The following NINL variants were observed in gnomAD, a reference collection of about 807,000 sequenced individuals.
NINL encodes the protein ninein like, also known as ninein-like protein.
Under a neutral mutation model 160.3 loss-of-function variants are expected in NINL, and 153 were observed. That is an observed-to-expected ratio of 0.95 (90% CI 0.84 to 1.09). NINL has a LOEUF of 1.09. Among genes scored for constraint, NINL ranks in the 50% least tolerant of loss-of-function variants. The pLI is 0.00. For synonymous variants in NINL, 800 were observed against 734.8 expected, an observed-to-expected ratio of 1.09 and a Z score of -1.43; for missense variants, 1,829 against 1,764.0, an observed-to-expected ratio of 1.04 and a Z score of -0.66.
intron 1 of NINL, among the ~76,000 whole-genome samples, chr20:25,533,669 A>G (rs1179174244): frequency 6.6e-6 from 1 of 152,236 alleles, no homozygotes; most frequent in African/African-American, 2.4e-5. Flanking sequence ...TCAAGACCAC[A>G]AAACGGGAAA....
Position 25,479,639 on chromosome 20 carries a change from G to A in NINL, c.1918-433C>T, listed in dbSNP as rs905142955. Among the ~76,000 whole-genome samples, 4 of 152,318 alleles carry A rather than the reference G, an allele frequency of 2.6e-5. No homozygotes were observed. In the East Asian group the frequency reaches 5.8e-4, roughly 22 times the overall value. On this transcript the variant is annotated intron_variant, in intron 15 of 23. Coordinates refer to ENST00000278886, the MANE Select transcript of NINL (RefSeq NM_025176.6). ...AGGGATCCCCAGGGCATGGCCACAG[G>A]CAGCTCCACCTAGCTGGTACCCTGA...
At chr20:25,561,830 C>T (rs1367624841) in intron 1 of NINL, among the ~76,000 whole-genome samples, 14 of 149,074 alleles carry the variant, frequency 9.4e-5, no homozygotes, top group East Asian at 4.2e-4. Flanking sequence ...GGAGCCCCTC[C>T]GCCCGGCTGC....
intron 1 of NINL, among the ~76,000 whole-genome samples, chr20:25,555,591 C>T (rs1278571143): frequency 2.0e-5 from 3 of 152,178 alleles, no homozygotes; most frequent in Admixed American, 6.5e-5. Context: ...TCAGGCCAGA[C>T]GTGGTGGCTT....
At chr20:25,497,139 C>T (rs981473638) in intron 9 of NINL, among the ~76,000 whole-genome samples, 6 of 152,206 alleles carry the variant, frequency 3.9e-5, no homozygotes, top group African/African-American at 1.2e-4. Context: ...GCCCTCTCAT[C>T]GGCAGCTGGG....
Position 25,457,972 on chromosome 20 carries a change from T to C in NINL, c.3843+411A>G, listed in dbSNP as rs60834749. Among the ~76,000 whole-genome samples, 1,047 of 152,338 alleles carry C rather than the reference T, an allele frequency of 6.9e-3. 18 individuals carry two copies. Among genetic ancestry groups the C allele is most frequent in the African/African-American group, 0.024 (1,005 of 41,574 alleles). ...GGGCGGGATCCCACCCTCCACAGTCTGTGCTCCGAGCTACTGTCTCCCATC... is the reference window on the plus strand; with the variant it reads ...GGGCGGGATCCCACCCTCCACAGTCCGTGCTCCGAGCTACTGTCTCCCATC... On this transcript the variant is annotated intron_variant, in intron 22 of 23. Transcript: ENST00000278886.
chr20:25,498,893 A>G, intron 8 of NINL: 2 of 985,004 alleles, frequency 2.0e-6, no homozygotes, highest in African/African-American at 3.5e-5. Context: ...ATAAACTTCA[A>G]AGCACAGAAC....
At chr20:25,519,315 C>T (rs1480744336) in intron 2 of NINL, among the ~76,000 whole-genome samples, 1 of 151,956 alleles carries the variant, frequency 6.6e-6, no homozygotes, top group Non-Finnish European at 1.5e-5. Flanking sequence ...TGTTTTAAAC[C>T]CTCACAAAAT....
intron 1 of NINL, among the ~76,000 whole-genome samples, chr20:25,535,580 G>A (rs1025704326): frequency 6.6e-6 from 1 of 152,064 alleles, no homozygotes; most frequent in South Asian, 2.1e-4. Flanking sequence ...CTAGAGATCT[G>A]TTACAAAACT....
At chr20:25,567,928 T>A (rs1231336906) in intron 1 of NINL, among the ~76,000 whole-genome samples, 1 of 152,000 alleles carries the variant, frequency 6.6e-6, no homozygotes, top group Non-Finnish European at 1.5e-5. Flanking sequence ...GGGATACAGC[T>A]AAAGCAGTTC....
rs143128034 is a variant in NINL at position 25,543,367 on chromosome 20, T to C, written c.-11-16769A>G. Among the ~76,000 whole-genome samples the C allele has an allele frequency of 4.6e-5, 7 of 152,280 alleles. No individual in the cohort carries two copies. In the East Asian group the frequency reaches 5.8e-4, roughly 13 times the overall value. On this transcript the variant is annotated intron_variant, in intron 1 of 23. Coordinates refer to ENST00000278886, the MANE Select transcript of NINL (RefSeq NM_025176.6). ...GAGGTCCAGACTAGCCTGGGCAACA[T>C]TGGCAAAACCCCATTTCCACAAAAT...
At chr20:25,501,244 C>T (rs1428719628) in intron 7 of NINL, among the ~76,000 whole-genome samples, 29 of 152,264 alleles carry the variant, frequency 1.9e-4, no homozygotes, top group Non-Finnish European at 2.9e-5. Flanking sequence ...GCCCCCAACA[C>T]CCAGGACTCT....
At chr20:25,509,307 C>T (rs1465008839) in intron 5 of NINL, among the ~76,000 whole-genome samples, 2 of 152,148 alleles carry the variant, frequency 1.3e-5, no homozygotes, top group African/African-American at 4.8e-5. Context: ...GCATCAGTGA[C>T]GCTTCATATG....
chr20:25,478,987 G>T lies in NINL; in HGVS notation c.2137C>A (p.Pro713Thr). ...GPEPEQMGLA[P>T]CCTQALCGLA... ...CCACACAGTGCCTGGGTGCAGCAGG[G>T]TGCCAGGCCCATCTGCTCAGGCTCG... Residue 713 changes from proline (P) to threonine (T), a missense_variant, in exon 16 of 24, where the codon CCC (proline) becomes ACC (threonine). Coordinates refer to ENST00000278886, the MANE Select transcript of NINL (RefSeq NM_025176.6). The T allele has an allele frequency of 6.2e-7, 1 of 1,604,950 alleles. No homozygotes were observed. Among genetic ancestry groups the T allele is most frequent in the Non-Finnish European group, 8.5e-7 (1 of 1,178,524 alleles).
rs1568848112 is a variant in NINL, at chr20:25,467,422, CT to C, written c.3389del (p.Lys1130ArgfsTer46). On this transcript the variant is annotated frameshift_variant, in exon 19 of 24. Coordinates refer to ENST00000278886, the MANE Select transcript of NINL (RefSeq NM_025176.6). LOFTEE classifies it high-confidence loss of function. Reference protein sequence around the residue: ...EIEVLKKDKEKACSEMEVLNR... With the variant: ...EIEVLKKDKEXACSEMEVLNR... ...TGAGCACCTCCATCTCAGAGCAGGC[CT>C]TTTCCTTGTCTTTCTTTAAAACCTC... 2 of 1,614,132 alleles carry C rather than the reference CT, an allele frequency of 1.2e-6. No individual in the cohort carries two copies. Among genetic ancestry groups the C allele is most frequent in the Non-Finnish European group, 1.7e-6 (2 of 1,179,954 alleles).
At chr20:25,490,766 G>T (rs371736646) in intron 11 of NINL, among the ~76,000 whole-genome samples, 1 of 152,088 alleles carries the variant, frequency 6.6e-6, no homozygotes, top group South Asian at 2.1e-4. Flanking sequence ...AAGGCTGTTG[G>T]GGGGCTCAGG....
chr20:25,549,905 C>G (rs1043552903), intron 1 of NINL, among the ~76,000 whole-genome samples: 1 of 152,190 alleles, frequency 6.6e-6, no homozygotes, highest in Non-Finnish European at 1.5e-5. Flanking sequence ...GCCATACACA[C>G]GTCTGCAAAC....
Position 25,520,068 on chromosome 20 carries a change from A to C in NINL, c.181-2219T>G, listed in dbSNP as rs1046417303. ...TAAAATGCAGAATTTAAAATTCAGA[A>C]ACAGGAAAAAAAAATCTCTGATGTT... On this transcript the variant is annotated intron_variant, in intron 2 of 23. Coordinates refer to ENST00000278886, the MANE Select transcript of NINL (RefSeq NM_025176.6). Among the ~76,000 whole-genome samples the C allele has an allele frequency of 3.4e-4, 51 of 148,874 alleles. 1 individual carries two copies. The highest frequency in any genetic ancestry group is 1.2e-3 in the African/African-American group (48 of 40,186).
chr20:25,476,695 C>A lies in NINL; in HGVS notation c.2596G>T (p.Gly866Cys). 6.3e-7 allele frequency: 1 copy of A among 1,595,230 alleles called. No individual in the cohort carries two copies. The highest frequency in any genetic ancestry group is 8.5e-7 in the Non-Finnish European group (1 of 1,175,434). ...CCTGCCGCCTCCTCAGACTCTCTGC[C>A]ATCACCTGGGGCCAGCCAGGCCAGT... ...RPLAWLAPGDGRESEEAAGAG... is the reference protein window; with the variant it reads ...RPLAWLAPGDCRESEEAAGAG... Residue 866 changes from glycine to cysteine, a missense_variant, in exon 17 of 24, where the codon GGC becomes TGC. Coordinates refer to ENST00000278886, the MANE Select transcript of NINL (RefSeq NM_025176.6).
chr20:25,580,036 A>G (rs2065155072), intron 1 of NINL, among the ~76,000 whole-genome samples: 1 of 58,598 alleles, frequency 1.7e-5, no homozygotes, highest in Non-Finnish European at 5.6e-5. Context: ...AAATAAGGTT[A>G]TAAGAAGATG....
Sources: allele counts gnomAD v4.1 joint callset (sites outside exome capture counted in the v4.1 genomes callset), GRCh38; gene constraint gnomAD v4.1.1; transcripts MANE v1.5; gene names NCBI Gene and HGNC (gene_info 2026-07-23, HGNC 2026-07-21).